PATL2: variants seen among roughly 807,000 people sequenced by gnomAD.
The protein encoded by PATL2 is PAT1 homolog 2.
In PATL2, 73 loss-of-function variants were observed where a neutral mutation model predicts 77.0. That is an observed-to-expected ratio of 0.95 (90% CI 0.78 to 1.15). The LOEUF (loss-of-function observed/expected upper bound fraction) is 1.15, where lower values mean the gene tolerates loss of function less well. Among genes scored for constraint, PATL2 ranks in the 50% most tolerant of loss-of-function variants. The pLI is 0.00. For missense variants in PATL2, 618 were observed against 655.4 expected (o/e 0.94, Z 0.62); for synonymous variants, 265 against 257.1 (o/e 1.03, Z -0.29).
At chr15:44,708,791 T>C (rs2086792013) in intron 3 of PATL2, among the ~76,000 whole-genome samples, 1 of 152,254 alleles carries the variant, frequency 6.6e-6, no homozygotes, top group Non-Finnish European at 1.5e-5. Flanking sequence ...CAAGTCTTTG[T>C]ATAGACATAT....
chr15:44,674,262 A>C, intron 5 of PATL2, 32 bp from the exon 6 acceptor site: 3 of 1,467,634 alleles, frequency 2.0e-6, no homozygotes, highest in Non-Finnish European at 2.8e-6. Context: ...ACCAGGCTCA[A>C]ATGGGCCCCT....
At position 44,669,411 on chromosome 15, in the gene PATL2, C is replaced by T; in HGVS notation, c.933G>A (p.Met311Ile). ...RLRVLYRIEK[M>I]FLQLLEIEEG... ...CCTCTATTTCTAGTAACTGAAGGAA[C>T]ATCTGGGAATTTGAGGGTGGAAAAA... Residue 311 changes from methionine to isoleucine, a missense_variant and splice_region_variant, in exon 13 of 18, where the codon ATG (methionine) becomes ATA (isoleucine). Coordinates refer to ENST00000682850, the MANE Select transcript of PATL2 (RefSeq NM_001387263.1). 1.3e-6 allele frequency: 2 copies of T among 1,549,592 alleles called. No homozygotes were observed. The highest frequency in any genetic ancestry group is 2.4e-5 in the South Asian group (2 of 84,032).
chr15:44,669,743 G>A (rs1290206161), intron 11 of PATL2, 34 bp downstream of exon 11: 1 of 1,547,122 alleles, frequency 6.5e-7, no homozygotes, highest in Non-Finnish European at 8.7e-7. Flanking sequence ...TTCCAAAGGG[G>A]AGAGAAAAAT....
At chr15:44,691,372 T>C (rs948821879) in intron 3 of PATL2, among the ~76,000 whole-genome samples, 1 of 152,128 alleles carries the variant, frequency 6.6e-6, no homozygotes, top group Non-Finnish European at 1.5e-5. Context: ...TTAAAACAGA[T>C]TGTGGCCAGG....
chr15:44,685,724 G>A (rs1249706857), intron 3 of PATL2, among the ~76,000 whole-genome samples: 4 of 152,084 alleles, frequency 2.6e-5, no homozygotes, highest in African/African-American at 9.7e-5. Flanking sequence ...ATTTACCAAG[G>A]AAATGGAAAG....
chr15:44,698,816 C>T (rs1238061571), intron 3 of PATL2, among the ~76,000 whole-genome samples: 1 of 152,172 alleles, frequency 6.6e-6, no homozygotes, highest in Non-Finnish European at 1.5e-5. Context: ...GAGGAACCTC[C>T]AAGCTGTTCT....
At chr15:44,699,110 T>C (rs894236144) in intron 3 of PATL2, among the ~76,000 whole-genome samples, 3 of 152,230 alleles carry the variant, frequency 2.0e-5, no homozygotes, top group African/African-American at 7.2e-5. Context: ...TTTTTTCCTA[T>C]AGAGTTGTTT....
Position 44,676,416 on chromosome 15 carries a change from A to G in PATL2, c.16+59T>C, listed in dbSNP as rs547492409. 4.1e-5 allele frequency: 58 copies of G among 1,408,640 alleles called. No homozygotes were observed. In the South Asian group the frequency reaches 6.9e-4, roughly 17 times the overall value. The allele number at this position is 1,408,640 out of a possible 1,614,324, so 87.3% of individuals were successfully genotyped here. ...ACATCCAATCCCATATGTGAAACAG[A>G]CCAGCAACCTCTGCATGCTGGGGCA... is the stretch of plus-strand genomic sequence containing the variant. On this transcript the variant is annotated intron_variant, in intron 4 of 17. Coordinates refer to ENST00000682850, the MANE Select transcript of PATL2 (RefSeq NM_001387263.1).
rs1166742027 is a variant in PATL2 at position 44,669,093 on chromosome 15, T to TC, written c.1110dup (p.Lys371GlufsTer37). 8.4e-6 allele frequency: 13 copies of TC among 1,549,232 alleles called. No homozygotes were observed. The highest frequency in any genetic ancestry group is 1.1e-5 in the Non-Finnish European group (13 of 1,145,700). ...GGGAGCAGCCGGGCCACCAGGGCCT[T>TC]CCCCTTCCTCACAGAGAGCACCTGC... is the stretch of plus-strand genomic sequence containing the variant. On this transcript the variant is annotated frameshift_variant, in exon 14 of 18. Coordinates refer to ENST00000682850, the MANE Select transcript of PATL2 (RefSeq NM_001387263.1). LOFTEE classifies it high-confidence loss of function.
intron 3 of PATL2, among the ~76,000 whole-genome samples, chr15:44,692,713 C>T (rs1019012728): frequency 6.6e-6 from 1 of 152,250 alleles, no homozygotes; most frequent in Non-Finnish European, 1.5e-5. Flanking sequence ...AAGAAGAAAA[C>T]CAAAACTTTG....
chr15:44,668,503 A>G, intron 14 of PATL2, 21 bp from the exon 15 acceptor site: 2 of 1,545,938 alleles, frequency 1.3e-6, no homozygotes, highest in Non-Finnish European at 1.7e-6. Context: ...ATCAGTAAGC[A>G]CCTCCCAAAT....
intron 9 of PATL2, among the ~76,000 whole-genome samples, chr15:44,671,682 T>C (rs896657160): frequency 6.6e-6 from 1 of 152,094 alleles, no homozygotes; most frequent in African/African-American, 2.4e-5. Context: ...AAAGTCAAAG[T>C]AGATGAATAT....
chr15:44,675,192 G>A (rs573076469), intron 5 of PATL2: 14 of 359,712 alleles, frequency 3.9e-5, no homozygotes, highest in Admixed American at 8.8e-5. Context: ...AGGGGCCCAG[G>A]ATCAGGCAAA....
intron 3 of PATL2, among the ~76,000 whole-genome samples, chr15:44,708,875 T>TAA (rs1419159852): frequency 1.3e-5 from 2 of 152,196 alleles, no homozygotes; most frequent in African/African-American, 4.8e-5. Context: ...TTTAACTTTA[T>TAA]AAAGAGCTGT....
intron 3 of PATL2, among the ~76,000 whole-genome samples, chr15:44,680,093 G>C (rs954931809): frequency 6.6e-6 from 1 of 152,106 alleles, no homozygotes; most frequent in Non-Finnish European, 1.5e-5. Context: ...GGTGGGAAAG[G>C]CTCCCCACTC....
chr15:44,708,353 G>A (rs2086783376), intron 3 of PATL2, among the ~76,000 whole-genome samples: 1 of 151,978 alleles, frequency 6.6e-6, no homozygotes. Context: ...ATTTATAATC[G>A]ACATACAATA....
intron 3 of PATL2, among the ~76,000 whole-genome samples, chr15:44,702,320 T>C (rs555838869): frequency 6.6e-6 from 1 of 152,216 alleles, no homozygotes; most frequent in East Asian, 1.9e-4. Context: ...ATTTCTTTGA[T>C]ATTGGTTGTA....
intron 3 of PATL2, among the ~76,000 whole-genome samples, chr15:44,702,378 T>G (rs2086647122): frequency 6.7e-6 from 1 of 149,508 alleles, no homozygotes; most frequent in South Asian, 2.1e-4. Flanking sequence ...TCTTCTCTCC[T>G]TTTTTTCTTA....
At position 44,668,966 on chromosome 15, in the gene PATL2, C is replaced by G; in HGVS notation, c.1224+14G>C. Reference sequence around the variant, plus strand: ...TCAGGAGACCATCCTCTTCTCCACTCAATGCCACAGTACCTGATCAGCCAC... The same window carrying G: ...TCAGGAGACCATCCTCTTCTCCACTGAATGCCACAGTACCTGATCAGCCAC... On this transcript the variant is annotated intron_variant, in intron 14 of 17. Transcript: ENST00000682850. 6.6e-7 allele frequency: 1 copy of G among 1,521,660 alleles called. No homozygotes were observed. 94.3% of individuals were successfully genotyped at this position (1,521,660 alleles called of 1,614,324 possible).
Sources: allele counts gnomAD v4.1 joint callset (sites outside exome capture counted in the v4.1 genomes callset), GRCh38; gene constraint gnomAD v4.1.1; transcripts MANE v1.5; gene names NCBI Gene and HGNC (gene_info 2026-07-23, HGNC 2026-07-21).